GFRA2: variants seen among roughly 807,000 people sequenced by gnomAD.
GFRA2 encodes the protein GDNF family receptor alpha 2, also known as GDNF family receptor alpha-2.
A neutral mutation model predicts 48.3 loss-of-function variants in GFRA2; 17 were observed. That is an observed-to-expected ratio of 0.35 (90% CI 0.24 to 0.53). GFRA2 has a LOEUF of 0.53. GFRA2 is among the 20% of genes least tolerant of loss of function. The pLI is 0.93. For missense variants in GFRA2, 660 were observed against 637.3 expected (o/e 1.04, Z -0.38); for synonymous variants, 305 against 257.2 (o/e 1.19, Z -1.78).
rs571387029 is a variant in GFRA2 at position 21,728,255 on chromosome 8, C to T, written c.795-22214G>A. 4.3e-4 allele frequency among the ~76,000 whole-genome samples: 57 copies of T among 133,832 alleles called. No individual in the cohort carries two copies. The South Asian group carries it at 0.012, about 28-fold the overall frequency. 87.8% of individuals were successfully genotyped at this position (133,832 alleles called of 152,430 possible). ...CCAAGGATTCTGTTTCCACAGACTC[C>T]GGGAACCAGGTTTTTTTTTTTTTTT... is the stretch of plus-strand genomic sequence containing the variant. On this transcript the variant is annotated intron_variant, in intron 4 of 8. Coordinates refer to ENST00000524240, the MANE Select transcript of GFRA2 (RefSeq NM_001495.5).
chr8:21,782,532 C>T, intron 2 of GFRA2, 53 bp downstream of exon 2: 1 of 1,382,632 alleles, frequency 7.2e-7, no homozygotes, highest in Non-Finnish European at 9.9e-7. Flanking sequence ...GCCACACGTC[C>T]TCTCTGCCTG....
intron 4 of GFRA2, among the ~76,000 whole-genome samples, chr8:21,737,236 G>A (rs1804511394): frequency 6.6e-6 from 1 of 152,054 alleles, no homozygotes; most frequent in East Asian, 1.9e-4. Flanking sequence ...GGCATTGGTA[G>A]CGCGTGCCTA....
intron 4 of GFRA2, among the ~76,000 whole-genome samples, chr8:21,721,399 A>G (rs908598978): frequency 3.3e-5 from 5 of 152,192 alleles, no homozygotes; most frequent in Non-Finnish European, 7.3e-5. Flanking sequence ...CACTCTTAAC[A>G]TGAAGAAGTG....
chr8:21,802,059 T>C (rs916357529), intron 2 of GFRA2, among the ~76,000 whole-genome samples: 14 of 152,266 alleles, frequency 9.2e-5, no homozygotes, highest in Non-Finnish European at 1.5e-4. Flanking sequence ...GTGGGACTCC[T>C]GACTGGCAGT....
chr8:21,756,707 T>G (rs1340655505), intron 3 of GFRA2, among the ~76,000 whole-genome samples: 3 of 152,186 alleles, frequency 2.0e-5, no homozygotes, highest in Non-Finnish European at 4.4e-5. Flanking sequence ...TGCCTGGCAC[T>G]GGGGCTACAG....
intron 7 of GFRA2, among the ~76,000 whole-genome samples, chr8:21,698,510 G>A (rs560888240): frequency 4.1e-4 from 63 of 152,252 alleles, no homozygotes; most frequent in African/African-American, 1.5e-3. Context: ...CCAGGCGCTA[G>A]TCTAGTGTTG....
intron 3 of GFRA2, among the ~76,000 whole-genome samples, chr8:21,764,665 T>A (rs1806071196): frequency 6.6e-6 from 1 of 152,104 alleles, no homozygotes; most frequent in African/African-American, 2.4e-5. Context: ...ATGGACCCCA[T>A]CCCTCCTCAC....
At chr8:21,706,611 T>C (rs1802761826) in intron 4 of GFRA2, among the ~76,000 whole-genome samples, 1 of 152,140 alleles carries the variant, frequency 6.6e-6, no homozygotes, top group Non-Finnish European at 1.5e-5. Context: ...CTCTTCTGCA[T>C]TAAGCCAGAG....
intron 3 of GFRA2, among the ~76,000 whole-genome samples, chr8:21,763,340 C>G (rs1306798517): frequency 6.6e-6 from 1 of 152,102 alleles, no homozygotes; most frequent in Non-Finnish European, 1.5e-5. Context: ...ATCATTTCTG[C>G]CCCATCTGTC....
Position 21,721,741 on chromosome 8 carries a change from A to T in GFRA2, c.795-15700T>A, listed in dbSNP as rs546961286. ...CTTCAGCTTTCAGCACAGGACGCAA[A>T]GCAGGGAGAAAGAGACTCATGTGAG... On this transcript the variant is annotated intron_variant, in intron 4 of 8. Coordinates refer to ENST00000524240, the MANE Select transcript of GFRA2 (RefSeq NM_001495.5). Among the ~76,000 whole-genome samples the T allele has an allele frequency of 4.6e-5, 7 of 152,356 alleles. No individual in the cohort carries two copies. The South Asian group carries it at 8.3e-4, about 18-fold the overall frequency.
At chr8:21,694,216 G>A (rs967372009) in intron 8 of GFRA2, among the ~76,000 whole-genome samples, 12 of 151,446 alleles carry the variant, frequency 7.9e-5, no homozygotes, top group Non-Finnish European at 2.9e-5. Flanking sequence ...AGTAAGGAAG[G>A]CATGGGAGGG....
chr8:21,760,895 G>A (rs965099402), intron 3 of GFRA2, among the ~76,000 whole-genome samples: 7 of 152,232 alleles, frequency 4.6e-5, no homozygotes, highest in Admixed American at 3.3e-4. Context: ...CAAGAGTTTC[G>A]AAAAGGAGGA....
At chr8:21,706,972 G>C (rs1802780671) in intron 4 of GFRA2, among the ~76,000 whole-genome samples, 2 of 152,212 alleles carry the variant, frequency 1.3e-5, no homozygotes, top group African/African-American at 4.8e-5. Flanking sequence ...GCCTGGGCTG[G>C]GGGAGGATGC....
intron 2 of GFRA2, among the ~76,000 whole-genome samples, chr8:21,804,173 G>T (rs1038206501): frequency 9.3e-5 from 14 of 150,726 alleles, no homozygotes; most frequent in South Asian, 8.4e-4. Flanking sequence ...ATAGTGGAAT[G>T]GAGTCACTAA....
chr8:21,788,154 G>A lies in GFRA2; in HGVS notation c.6C>T (p.Ile2=). The change falls in exon 1 of 9, where the codon ATC becomes ATT. Residue 2 remains isoleucine (I), a synonymous_variant. Coordinates refer to ENST00000524240, the MANE Select transcript of GFRA2 (RefSeq NM_001495.5). The part of the protein sequence containing the change: M[I]LANVFCLFFF... ...AGAAGAGGCAGAAGACGTTTGCCAA[G>A]ATCATGTTAAATAAATCCCACCGTT... is the stretch of plus-strand genomic sequence containing the variant. 2 of 1,592,602 alleles carry A rather than the reference G, an allele frequency of 1.3e-6. No homozygotes were observed. The highest frequency in any genetic ancestry group is 1.7e-6 in the Non-Finnish European group (2 of 1,168,360).
intron 4 of GFRA2, among the ~76,000 whole-genome samples, chr8:21,710,008 C>A (rs1331714759): frequency 6.6e-6 from 1 of 152,168 alleles, no homozygotes; most frequent in East Asian, 1.9e-4. Flanking sequence ...AGCCAGGAAA[C>A]AGAAGGTGAA....
chr8:21,747,174 G>A (rs756666786), intron 4 of GFRA2, among the ~76,000 whole-genome samples: 3 of 152,130 alleles, frequency 2.0e-5, no homozygotes, highest in Non-Finnish European at 4.4e-5. Flanking sequence ...ATCATTCCAC[G>A]CAGCTGTGTA....
chr8:21,711,558 T>C (rs991442908), intron 4 of GFRA2, among the ~76,000 whole-genome samples: 3 of 152,180 alleles, frequency 2.0e-5, no homozygotes, highest in Non-Finnish European at 2.9e-5. Context: ...TGACCCCCAG[T>C]TGGATGAAAA....
At chr8:21,731,677 C>T (rs750276407) in intron 4 of GFRA2, among the ~76,000 whole-genome samples, 10 of 152,048 alleles carry the variant, frequency 6.6e-5, no homozygotes, top group Non-Finnish European at 1.2e-4. Flanking sequence ...ATAATTCCAA[C>T]GCGTTCAATT....
Sources: gnomAD v4.1 joint callset for allele counts (sites outside exome capture counted in the v4.1 genomes callset) on GRCh38, gnomAD v4.1.1 for gene constraint, MANE v1.5 for transcripts, NCBI Gene and HGNC (gene_info 2026-07-23, HGNC 2026-07-21) for gene names.